The following ZNF267 variants were observed in gnomAD, a reference collection of about 807,000 sequenced individuals.
ZNF267 encodes zinc finger protein 267.
Under a neutral mutation model 71.6 loss-of-function variants are expected in ZNF267, and 61 were observed. That is an observed-to-expected ratio of 0.85 (90% CI 0.69 to 1.05). ZNF267 has a LOEUF of 1.05. ZNF267 is among the 50% of genes least tolerant of loss of function. The pLI is 0.00. For missense variants in ZNF267, 852 were observed against 870.0 expected (o/e 0.98, Z 0.26); for synonymous variants, 288 against 293.2 (o/e 0.98, Z 0.18).
intron 3 of ZNF267, among the ~76,000 whole-genome samples, chr16:31,895,274 A>G (rs747782192): frequency 8.5e-5 from 13 of 152,232 alleles, no homozygotes; most frequent in Admixed American, 4.6e-4. Flanking sequence ...AAGTCCATCC[A>G]TGTTGTTTCA....
intron 3 of ZNF267, among the ~76,000 whole-genome samples, chr16:31,903,948 A>G (rs2084064488): frequency 1.3e-5 from 2 of 152,160 alleles, no homozygotes; most frequent in African/African-American, 4.8e-5. Flanking sequence ...CCCTCTGCAC[A>G]CTGCTTTGAA....
chr16:31,916,084 C>T lies in ZNF267; in HGVS notation c.1835C>T (p.Ala612Val). The T allele has an allele frequency of 4.3e-6, 7 of 1,614,124 alleles. No individual in the cohort carries two copies. The highest frequency in any genetic ancestry group is 5.9e-6 in the Non-Finnish European group (7 of 1,180,012). Residue 612 changes from alanine to valine, a missense_variant, in exon 4 of 4, where the codon GCC becomes GTC. Ala to Val is a moderately conservative substitution (Grantham distance 64, BLOSUM62 0). Transcript: ENST00000300870. The stretch of plus-strand genomic sequence containing the variant: ...TATACATGTAAAGAATGTGGCAAAG[C>T]CTTTAGTTATAGTTCAGATGTTATT... ...KPYTCKECGKAFSYSSDVIQH... is the reference protein window; with the variant it reads ...KPYTCKECGKVFSYSSDVIQH...
chr16:31,901,135 A>C (rs951301900), intron 3 of ZNF267, among the ~76,000 whole-genome samples: 7 of 151,906 alleles, frequency 4.6e-5, no homozygotes, highest in African/African-American at 1.5e-4. Context: ...TGAACTCATC[A>C]TTTTTTATGG....
chr16:31,913,989 T>C (rs1434702212), intron 3 of ZNF267: 1 of 153,412 alleles, frequency 6.5e-6, no homozygotes, highest in East Asian at 1.9e-4. Context: ...TGTCTTTCAC[T>C]ATACCCACCA....
At chr16:31,897,151 ACAAAAC>A in intron 3 of ZNF267, among the ~76,000 whole-genome samples, 1 of 150,420 alleles carries the variant, frequency 6.6e-6, no homozygotes, top group South Asian at 2.1e-4. Context: ...ACAAAACAAA[ACAAAAC>A]AAAAAAAACC....
chr16:31,885,815 T>G (rs1166050529), intron 3 of ZNF267, among the ~76,000 whole-genome samples: 3 of 152,242 alleles, frequency 2.0e-5, no homozygotes, highest in African/African-American at 7.2e-5. Context: ...TAAGAAAATC[T>G]AATCTTATGT....
intron 1 of ZNF267, among the ~76,000 whole-genome samples, chr16:31,880,629 C>CCTGTGCAG: frequency 6.6e-6 from 1 of 152,280 alleles, no homozygotes; most frequent in South Asian, 2.1e-4. Context: ...GGTTATATAT[C>CCTGTGCAG]CTGTGCAGGC....
chr16:31,895,348 A>G (rs574744819), intron 3 of ZNF267, among the ~76,000 whole-genome samples: 2 of 152,258 alleles, frequency 1.3e-5, no homozygotes, highest in Admixed American at 6.5e-5. Context: ...CGTACAGCAC[A>G]TTTTCATTAT....
chr16:31,912,231 G>A (rs1159669110), intron 3 of ZNF267: 1 of 151,632 alleles, frequency 6.6e-6, no homozygotes, highest in African/African-American at 2.4e-5. Flanking sequence ...TGTAGGACAG[G>A]TCTGGTTTTA....
intron 3 of ZNF267, among the ~76,000 whole-genome samples, chr16:31,888,874 A>C (rs994621973): frequency 4.6e-5 from 7 of 152,032 alleles, no homozygotes; most frequent in Admixed American, 1.3e-4. Flanking sequence ...AAGAGTTTGA[A>C]AAGTGTTGAC....
chr16:31,915,870 A>G lies in ZNF267; in HGVS notation c.1621A>G (p.Ile541Val). The change falls in exon 4 of 4, where the codon ATT becomes GTT. Residue 541 changes from isoleucine to valine, a missense_variant. By Grantham distance (29) the Ile-to-Val change is conservative. Transcript: ENST00000300870. The part of the protein sequence containing the change: ...CFSNLIVHER[I>V]HTGEKPYKCK... The stretch of plus-strand genomic sequence containing the variant: ...CTCAAATCTTATTGTGCATGAGAGA[A>G]TTCATACTGGAGAGAAACCCTATAA... 1.9e-6 allele frequency: 3 copies of G among 1,613,798 alleles called. No individual in the cohort carries two copies. The highest frequency in any genetic ancestry group is 2.5e-6 in the Non-Finnish European group (3 of 1,180,018).
At chr16:31,906,113 G>A (rs149252193) in intron 3 of ZNF267, among the ~76,000 whole-genome samples, 3 of 152,162 alleles carry the variant, frequency 2.0e-5, no homozygotes, top group African/African-American at 4.8e-5. Context: ...TTGGTGAACC[G>A]CAAATGCTGC....
intron 1 of ZNF267, among the ~76,000 whole-genome samples, chr16:31,882,420 A>G (rs145849810): frequency 1.8e-3 from 277 of 152,312 alleles, no homozygotes; most frequent in Non-Finnish European, 3.4e-3. Context: ...TGCTTCCTCT[A>G]GCTGAGTGCT....
chr16:31,874,181 A>C, intron 1 of ZNF267: 2 of 520,722 alleles, frequency 3.8e-6, no homozygotes, highest in Non-Finnish European at 3.4e-6. Flanking sequence ...TCCCATCCCG[A>C]CCCCGCAGAG....
rs995842257 is a variant in ZNF267 at position 31,917,243 on chromosome 16, A to G, written c.*762A>G. The G allele has an allele frequency of 2.0e-5, 3 of 152,154 alleles. No homozygotes were observed. Among genetic ancestry groups the G allele is most frequent in the Admixed American group, 1.3e-4 (2 of 15,270 alleles). The allele number at this position is 152,154 out of a possible 1,614,324, so 9.4% of individuals were successfully genotyped here. On this transcript the variant is annotated 3_prime_UTR_variant, in exon 4 of 4. Transcript: ENST00000300870. ...CATGGAAGTTTAATGCCAAATGTAA[A>G]ACACATGAAAATTTTTAAAAATATG...
chr16:31,892,847 G>A (rs1346472726), intron 3 of ZNF267, among the ~76,000 whole-genome samples: 2 of 152,206 alleles, frequency 1.3e-5, no homozygotes, highest in Non-Finnish European at 2.9e-5. Context: ...CCACCCTCCT[G>A]GCCGCTTTTA....
rs765825433 is a variant in ZNF267, at chr16:31,914,469, C to G, written c.227-7C>G. On this transcript the variant is annotated splice_polypyrimidine_tract_variant and splice_region_variant and intron_variant, in intron 3 of 3. Transcript: ENST00000300870. ...ATTGGAATTCTTAAAATTTTTATAT[C>G]TTTCAGATGTGTTTTCGCATTATAA... 9.7e-6 allele frequency: 15 copies of G among 1,548,466 alleles called. No homozygotes were observed. Among genetic ancestry groups the G allele is most frequent in the African/African-American group, 1.4e-5 (1 of 71,928 alleles).
At chr16:31,902,715 A>G (rs1161351877) in intron 3 of ZNF267, among the ~76,000 whole-genome samples, 2 of 152,164 alleles carry the variant, frequency 1.3e-5, no homozygotes, top group Non-Finnish European at 2.9e-5. Flanking sequence ...GGTTTTCTAG[A>G]TATACAGTCA....
chr16:31,905,405 C>T (rs183927481), intron 3 of ZNF267, among the ~76,000 whole-genome samples: 2,110 of 152,268 alleles, frequency 0.014, 59 homozygotes, highest in African/African-American at 0.048. Flanking sequence ...CCATTCTCCT[C>T]GTCACTTTCA....
Sources: gnomAD v4.1 joint callset for allele counts (sites outside exome capture counted in the v4.1 genomes callset) on GRCh38, gnomAD v4.1.1 for gene constraint, MANE v1.5 for transcripts, NCBI Gene and HGNC (gene_info 2026-07-23, HGNC 2026-07-21) for gene names.